The following TES variants were observed in gnomAD, a reference collection of about 807,000 sequenced individuals.
TES encodes testin LIM domain protein.
A neutral mutation model predicts 48.2 loss-of-function variants in TES; 41 were observed. The observed-to-expected ratio is 0.85, with a 90% CI of 0.66 to 1.10. TES has a LOEUF of 1.10. TES is among the 50% of genes least tolerant of loss of function. The probability of loss-of-function intolerance (pLI) is 0.00; values close to 1 mark genes in which losing one functional copy is unlikely to be tolerated. For synonymous variants in TES, 162 were observed against 174.9 expected (o/e 0.93, Z 0.58); for missense variants, 463 against 515.1 (o/e 0.90, Z 0.98).
chr7:116,247,320 T>C (rs369713994), intron 2 of TES, among the ~76,000 whole-genome samples: 9 of 152,258 alleles, frequency 5.9e-5, no homozygotes, highest in African/African-American at 2.2e-4. Flanking sequence ...CCTTGGATAA[T>C]AGCTATAAAA....
At chr7:116,236,210 GCACTGCCCTC>G (rs1799768955) in intron 2 of TES, among the ~76,000 whole-genome samples, 2 of 152,108 alleles carry the variant, frequency 1.3e-5, no homozygotes, top group South Asian at 4.1e-4. Context: ...ACAGAAGGCT[GCACTGCCCTC>G]TCCTGGGCAT....
intron 6 of TES, chr7:116,252,822 T>C: frequency 3.1e-6 from 1 of 321,096 alleles, no homozygotes; most frequent in Non-Finnish European, 6.0e-6. Context: ...GCTATTGATA[T>C]TCTTTAGCTC....
At chr7:116,231,582 C>A (rs950608383) in intron 1 of TES, among the ~76,000 whole-genome samples, 1 of 152,086 alleles carries the variant, frequency 6.6e-6, no homozygotes, top group African/African-American at 2.4e-5. Context: ...AGGTCATGGG[C>A]AGATTCACAG....
chr7:116,258,186 CTTTATTT>C lies in TES; in HGVS notation c.*708_*714del, dbSNP rs1800132634. ...ATAACAGTATCCACACTTTTTAGTT[CTTTATTT>C]TTTTTTTTTTATTTTGAGCAATTCT... On this transcript the variant is annotated 3_prime_UTR_variant, in exon 7 of 7. Coordinates refer to ENST00000358204, the MANE Select transcript of TES (RefSeq NM_015641.4). 2 of 121,072 alleles carry C rather than the reference CTTTATTT, an allele frequency of 1.7e-5. No homozygotes were observed. Among genetic ancestry groups the C allele is most frequent in the South Asian group, 5.8e-4 (2 of 3,444 alleles). 7.5% of individuals were successfully genotyped at this position (121,072 alleles called of 1,614,324 possible). A position where few individuals can be genotyped will look rare whatever the true frequency, so the allele number is the denominator to read the frequency against.
At chr7:116,211,032 T>C (rs1345408830) in intron 1 of TES, 1 of 277,240 alleles carries the variant, frequency 3.6e-6, no homozygotes, top group Non-Finnish European at 6.7e-6. Context: ...GAAACTTTAC[T>C]TAAGATGTTT....
intron 2 of TES, among the ~76,000 whole-genome samples, chr7:116,241,177 ATG>A (rs1180886746): frequency 6.6e-6 from 1 of 152,188 alleles, no homozygotes; most frequent in Non-Finnish European, 1.5e-5. Context: ...CTTTTAATAA[ATG>A]TATTGGATTG....
At chr7:116,221,849 G>C (rs2116577400) in intron 1 of TES, among the ~76,000 whole-genome samples, 1 of 152,266 alleles carries the variant, frequency 6.6e-6, no homozygotes, top group East Asian at 1.9e-4. Flanking sequence ...TTTTATCTTA[G>C]TTGTAAATAG....
At chr7:116,232,006 G>A (rs1426549642) in intron 1 of TES, among the ~76,000 whole-genome samples, 1 of 152,192 alleles carries the variant, frequency 6.6e-6, no homozygotes, top group African/African-American at 2.4e-5. Flanking sequence ...CCTTTGCAAA[G>A]TTGACTTTGT....
intron 2 of TES, 129 bp downstream of exon 2, chr7:116,234,748 G>C (rs1584618388): frequency 1.4e-6 from 1 of 702,340 alleles, no homozygotes; most frequent in African/African-American, 2.3e-5. Context: ...TCTTTTCTGA[G>C]AAATGAATAC....
intron 1 of TES, among the ~76,000 whole-genome samples, chr7:116,217,371 A>G (rs748883422): frequency 2.6e-4 from 40 of 152,274 alleles, no homozygotes; most frequent in Non-Finnish European, 4.7e-4. Flanking sequence ...CACCTATAAT[A>G]TACACAAACT....
intron 1 of TES, among the ~76,000 whole-genome samples, chr7:116,229,964 G>A (rs987751910): frequency 6.6e-6 from 1 of 152,162 alleles, no homozygotes. Flanking sequence ...ATAAGTCAGA[G>A]ATCTTCAGTG....
chr7:116,228,584 G>T (rs985793529), intron 1 of TES, among the ~76,000 whole-genome samples: 2 of 152,124 alleles, frequency 1.3e-5, no homozygotes, highest in Admixed American at 6.5e-5. Flanking sequence ...CGTGCAACAG[G>T]ACTGAGTTTT....
chr7:116,230,304 A>G (rs563878029), intron 1 of TES, among the ~76,000 whole-genome samples: 1 of 152,294 alleles, frequency 6.6e-6, no homozygotes, highest in South Asian at 2.1e-4. Flanking sequence ...GGGGAAAATG[A>G]AAGTGTTTGT....
At position 116,210,581 on chromosome 7, in the gene TES, A is replaced by G. The variant is rs1369862276; in HGVS notation, c.-127A>G. The G allele has an allele frequency of 1.8e-5, 19 of 1,047,336 alleles. No homozygotes were observed. 64.9% of individuals were successfully genotyped at this position (1,047,336 alleles called of 1,614,324 possible). A position where few individuals can be genotyped will look rare whatever the true frequency, so the allele number is the denominator to read the frequency against. On this transcript the variant is annotated 5_prime_UTR_variant, in exon 1 of 7. Coordinates refer to ENST00000358204, the MANE Select transcript of TES (RefSeq NM_015641.4). ...GGCGGAAGTTCGACGGCGCCGGGCGAGTGGCTGTTGAGCGGCGCCGCGGGA... is the reference window on the plus strand; with the variant it reads ...GGCGGAAGTTCGACGGCGCCGGGCGGGTGGCTGTTGAGCGGCGCCGCGGGA...
intron 1 of TES, chr7:116,222,942 T>G: frequency 1.0e-6 from 1 of 983,780 alleles, no homozygotes; most frequent in Non-Finnish European, 1.2e-6. Flanking sequence ...GTGACATTTT[T>G]ATAGCCCTAC....
At chr7:116,246,784 G>T (rs1262454213) in intron 2 of TES, among the ~76,000 whole-genome samples, 1 of 151,876 alleles carries the variant, frequency 6.6e-6, no homozygotes, top group Non-Finnish European at 1.5e-5. Flanking sequence ...TTCTTATGGG[G>T]TCCCTTCTTC....
chr7:116,255,691 G>A (rs566580261), intron 6 of TES, among the ~76,000 whole-genome samples: 3 of 152,230 alleles, frequency 2.0e-5, no homozygotes, highest in South Asian at 4.1e-4. Context: ...CTGAAAGCAA[G>A]GGAATAAAAC....
intron 4 of TES, among the ~76,000 whole-genome samples, chr7:116,251,097 G>T (rs1000466908): frequency 2.0e-5 from 3 of 152,064 alleles, no homozygotes; most frequent in Admixed American, 2.0e-4. Flanking sequence ...ATAAGGCTTA[G>T]TCCTGAAAAA....
chr7:116,252,969 A>G lies in TES; in HGVS notation c.1077+493A>G, dbSNP rs779779390. Among the ~76,000 whole-genome samples the G allele has an allele frequency of 2.7e-5, 4 of 150,362 alleles. No individual in the cohort carries two copies. The East Asian group carries it at 5.8e-4, about 22-fold the overall frequency. On this transcript the variant is annotated intron_variant, in intron 6 of 6. Transcript: ENST00000358204. ...TAGCATAACAAAACTTGGCCTGCGT[A>G]TTTAGATTTTTGTGTGGGCCAAACA...
Sources: allele counts gnomAD v4.1 joint callset (sites outside exome capture counted in the v4.1 genomes callset), GRCh38; gene constraint gnomAD v4.1.1; transcripts MANE v1.5; gene names NCBI Gene and HGNC (gene_info 2026-07-23, HGNC 2026-07-21).